Variants in SYT1 observed in about 807,000 individuals in gnomAD.
SYT1 encodes the protein synaptotagmin-1.
In SYT1, 8 loss-of-function variants were observed where a neutral mutation model predicts 44.8. The observed-to-expected ratio is 0.18, with a 90% CI of 0.10 to 0.32. SYT1 has a LOEUF of 0.32. Ranked by LOEUF, SYT1 falls within the 10% of genes least tolerant of loss-of-function variation. The pLI, the probability that SYT1 is intolerant of heterozygous loss-of-function variation, is 1.00. For synonymous variants in SYT1, 154 were observed against 188.8 expected, an observed-to-expected ratio of 0.82 and a Z score of 1.51; for missense variants, 286 against 509.3, an observed-to-expected ratio of 0.56 and a Z score of 4.22.
intron 3 of SYT1, among the ~76,000 whole-genome samples, chr12:79,051,125 T>C (rs1874451409): frequency 6.6e-6 from 1 of 151,802 alleles, no homozygotes; most frequent in African/African-American, 2.4e-5. Flanking sequence ...TATTAAAAAA[T>C]GCATGTGTCG....
At chr12:79,253,535 AG>A (rs1877352222) in intron 4 of SYT1, among the ~76,000 whole-genome samples, 2 of 142,322 alleles carry the variant, frequency 1.4e-5, no homozygotes, top group Non-Finnish European at 3.1e-5. Context: ...CACCTCAGAA[AG>A]CTTCCCAATT....
intron 3 of SYT1, among the ~76,000 whole-genome samples, chr12:79,070,696 G>A (rs1876210543): frequency 6.6e-6 from 1 of 151,946 alleles, no homozygotes; most frequent in Non-Finnish European, 1.5e-5. Context: ...ATAAACACGG[G>A]AACAACAGAT....
At chr12:79,445,879 T>C (rs1283737650) in intron 10 of SYT1, among the ~76,000 whole-genome samples, 1 of 145,528 alleles carries the variant, frequency 6.9e-6, no homozygotes, top group Admixed American at 7.0e-5. Flanking sequence ...ATTTTATATA[T>C]ATAAAATATA....
intron 3 of SYT1, among the ~76,000 whole-genome samples, chr12:79,121,581 C>A (rs1421895100): frequency 6.6e-6 from 1 of 152,182 alleles, no homozygotes; most frequent in Non-Finnish European, 1.5e-5. Flanking sequence ...TTGCTAACCA[C>A]AATCACCCCC....
chr12:79,273,505 G>A (rs1878544402), intron 4 of SYT1, among the ~76,000 whole-genome samples: 1 of 152,278 alleles, frequency 6.6e-6, no homozygotes, highest in Admixed American at 6.5e-5. Flanking sequence ...CAGTGAGGCA[G>A]AAAACTGTGA....
chr12:79,432,210 C>CT (rs1007402484), intron 9 of SYT1, among the ~76,000 whole-genome samples: 83 of 145,306 alleles, frequency 5.7e-4, no homozygotes, highest in African/African-American at 1.2e-3. Context: ...GTCATTTTTT[C>CT]TTTTTTTTTT....
At chr12:79,046,931 G>C (rs1384787337) in intron 2 of SYT1, among the ~76,000 whole-genome samples, 1 of 151,880 alleles carries the variant, frequency 6.6e-6, no homozygotes, top group African/African-American at 2.4e-5. Context: ...GACAGCACCA[G>C]ATATTTAATT....
intron 9 of SYT1, among the ~76,000 whole-genome samples, chr12:79,387,583 A>G (rs1435522521): frequency 1.3e-5 from 2 of 152,274 alleles, no homozygotes; most frequent in Admixed American, 6.5e-5. Context: ...TATAAAAATT[A>G]TAGTTAAATA....
At chr12:79,370,121 T>A (rs1883719489) in intron 9 of SYT1, among the ~76,000 whole-genome samples, 1 of 152,200 alleles carries the variant, frequency 6.6e-6, no homozygotes, top group African/African-American at 2.4e-5. Context: ...GCAACAGAGT[T>A]CCTATACTCT....
intron 2 of SYT1, among the ~76,000 whole-genome samples, chr12:79,005,789 T>A (rs1414033077): frequency 6.6e-6 from 1 of 152,058 alleles, no homozygotes; most frequent in Non-Finnish European, 1.5e-5. Flanking sequence ...TTCACTGAGT[T>A]CAAAAGTAAT....
intron 3 of SYT1, among the ~76,000 whole-genome samples, chr12:79,195,240 T>C (rs1226396000): frequency 1.3e-5 from 2 of 152,192 alleles, no homozygotes; most frequent in Admixed American, 1.3e-4. Flanking sequence ...ATAAAAACCT[T>C]TGAAAAATGT....
intron 3 of SYT1, among the ~76,000 whole-genome samples, chr12:79,082,697 C>T (rs906549133): frequency 6.6e-5 from 10 of 152,120 alleles, no homozygotes; most frequent in African/African-American, 1.9e-4. Context: ...GCTAAGGCCT[C>T]CTGCCCTGCT....
intron 1 of SYT1, among the ~76,000 whole-genome samples, chr12:78,898,134 C>T (rs1272330746): frequency 2.0e-5 from 3 of 151,404 alleles, no homozygotes; most frequent in Non-Finnish European, 2.9e-5. Flanking sequence ...TACATAATAA[C>T]TGTAGAATGT....
chr12:78,876,967 C>T (rs1170327211), intron 1 of SYT1, among the ~76,000 whole-genome samples: 3 of 65,688 alleles, frequency 4.6e-5, no homozygotes, highest in Non-Finnish European at 9.0e-5. Flanking sequence ...TTTTTAAATG[C>T]ACCTGGCTCC....
chr12:79,011,352 AG>A (rs1217093054), intron 2 of SYT1, among the ~76,000 whole-genome samples: 6 of 152,216 alleles, frequency 3.9e-5, no homozygotes, highest in Non-Finnish European at 7.3e-5. Flanking sequence ...GTTTATTACA[AG>A]GAAGTGTGAT....
chr12:79,252,812 A>G (rs1950806758), intron 4 of SYT1, among the ~76,000 whole-genome samples: 1 of 152,188 alleles, frequency 6.6e-6, no homozygotes, highest in South Asian at 2.1e-4. Flanking sequence ...CAGCCACCTT[A>G]CACAATAACG....
At chr12:78,958,934 T>C (rs974353591) in intron 1 of SYT1, among the ~76,000 whole-genome samples, 1 of 152,198 alleles carries the variant, frequency 6.6e-6, no homozygotes, top group Non-Finnish European at 1.5e-5. Context: ...TATAATATGC[T>C]AACTCAAACT....
intron 3 of SYT1, among the ~76,000 whole-genome samples, chr12:79,205,732 G>T (rs1484598541): frequency 6.6e-6 from 1 of 152,182 alleles, no homozygotes; most frequent in African/African-American, 2.4e-5. Flanking sequence ...TAGGTCCAAA[G>T]GGGAAAATAA....
chr12:79,019,694 A>C (rs1308072384), intron 2 of SYT1, among the ~76,000 whole-genome samples: 1 of 151,872 alleles, frequency 6.6e-6, no homozygotes, highest in Non-Finnish European at 1.5e-5. Context: ...TACAGCATTT[A>C]TTTATTTATT....
Sources: gnomAD v4.1 joint callset for allele counts (sites outside exome capture counted in the v4.1 genomes callset) on GRCh38, gnomAD v4.1.1 for gene constraint, MANE v1.5 for transcripts, NCBI Gene and HGNC (gene_info 2026-07-23, HGNC 2026-07-21) for gene names.